The following TRERF1 variants were observed in gnomAD, a reference collection of about 807,000 sequenced individuals.
TRERF1 encodes the protein transcriptional regulating factor 1, also known as transcriptional-regulating factor 1.
In TRERF1, 27 loss-of-function variants were observed where a neutral mutation model predicts 122.9. That is an observed-to-expected ratio of 0.22 (90% CI 0.16 to 0.30). TRERF1 has a LOEUF of 0.30. TRERF1 is among the 10% of genes least tolerant of loss of function. TRERF1 has a pLI of 1.00. For synonymous variants in TRERF1, 636 were observed against 641.7 expected, an observed-to-expected ratio of 0.99 and a Z score of 0.13; for missense variants, 1,248 against 1,560.3, an observed-to-expected ratio of 0.80 and a Z score of 3.37.
chr6:42,311,296 G>T (rs1371430566), intron 3 of TRERF1, among the ~76,000 whole-genome samples: 1 of 152,184 alleles, frequency 6.6e-6, no homozygotes, highest in Non-Finnish European at 1.5e-5. Flanking sequence ...CACCTGAAAA[G>T]GTGACATCTG....
At chr6:42,277,520 A>G (rs769180005) in intron 4 of TRERF1, among the ~76,000 whole-genome samples, 6 of 152,328 alleles carry the variant, frequency 3.9e-5, no homozygotes, top group Non-Finnish European at 7.3e-5. Context: ...GATTAGGAAC[A>G]TGGGCTTTGG....
intron 3 of TRERF1, among the ~76,000 whole-genome samples, chr6:42,319,006 C>T (rs73733146): frequency 0.02 from 3,015 of 152,304 alleles, 118 homozygotes; most frequent in African/African-American, 0.067. Flanking sequence ...ACTTGTATCG[C>T]TTTTGGGCCA....
At chr6:42,272,746 T>C (rs1780451652) in intron 4 of TRERF1, among the ~76,000 whole-genome samples, 1 of 152,194 alleles carries the variant, frequency 6.6e-6, no homozygotes, top group African/African-American at 2.4e-5. Context: ...TGAAATGCTC[T>C]GGCCCACTGG....
At chr6:42,429,268 A>AC (rs961334689) in intron 2 of TRERF1, among the ~76,000 whole-genome samples, 1 of 151,366 alleles carries the variant, frequency 6.6e-6, no homozygotes, top group Non-Finnish European at 1.5e-5. Flanking sequence ...GTCTGGAGAA[A>AC]CCCCCTGCCC....
chr6:42,368,525 C>T (rs938901555), intron 2 of TRERF1, among the ~76,000 whole-genome samples: 5 of 152,188 alleles, frequency 3.3e-5, no homozygotes, highest in South Asian at 2.1e-4. Flanking sequence ...AATTTAGATC[C>T]GATAAAGCTT....
chr6:42,325,959 T>C (rs1764210400), intron 3 of TRERF1, among the ~76,000 whole-genome samples: 1 of 152,174 alleles, frequency 6.6e-6, no homozygotes, highest in East Asian at 1.9e-4. Flanking sequence ...CCACATGTTC[T>C]CACTTATGAG....
chr6:42,414,479 A>G (rs1260625439), intron 2 of TRERF1, among the ~76,000 whole-genome samples: 2 of 152,232 alleles, frequency 1.3e-5, no homozygotes, highest in Non-Finnish European at 2.9e-5. Flanking sequence ...GTCACCCTGT[A>G]CTATTACTCT....
chr6:42,363,744 G>A (rs1033616373), intron 2 of TRERF1, among the ~76,000 whole-genome samples: 2 of 152,182 alleles, frequency 1.3e-5, no homozygotes, highest in Admixed American at 1.3e-4. Context: ...ATAAAAAGGG[G>A]ATATTTGGAA....
exon 7 of TRERF1, chr6:42,264,727 T>G (rs780104314): frequency 2.5e-6 from 4 of 1,614,090 alleles, no homozygotes; most frequent in Non-Finnish European, 3.4e-6. Context: ...GGGGAGGCCC[T>G]CATTCCCCCG....
In TRERF1 at chr6:42,269,009, T is replaced by C; in HGVS notation, c.582A>G (p.Ala194=). The C allele has an allele frequency of 6.2e-7, 1 of 1,613,708 alleles. No individual in the cohort carries two copies. The highest frequency in any genetic ancestry group is 8.5e-7 in the Non-Finnish European group (1 of 1,179,770). Residue 194 remains alanine (A), a synonymous_variant, in exon 5 of 18, where the codon GCA becomes GCG. Transcript: ENST00000372922. The surrounding 1 kb of genome is among the most constrained non-coding windows in gnomAD (Gnocchi z 4.9). ...GCTGGTAGCGGGAAGGGATAGCCGG[T>C]GCTGGGGGCTCCATGGGCTTCTGAG...
chr6:42,248,184 C>A (rs1018337126), intron 13 of TRERF1, among the ~76,000 whole-genome samples: 1 of 152,112 alleles, frequency 6.6e-6, no homozygotes, highest in African/African-American at 2.4e-5. Context: ...GGCTCAGTGA[C>A]ATAAACTCAC....
At chr6:42,428,369 T>C (rs564113154) in intron 2 of TRERF1, among the ~76,000 whole-genome samples, 1 of 152,344 alleles carries the variant, frequency 6.6e-6, no homozygotes, top group African/African-American at 2.4e-5. Context: ...TTGAAGCTCA[T>C]TATGGCCCGA....
At chr6:42,279,384 G>C (rs144859663) in intron 4 of TRERF1, among the ~76,000 whole-genome samples, 1 of 152,282 alleles carries the variant, frequency 6.6e-6, no homozygotes, top group African/African-American at 2.4e-5. Flanking sequence ...GCTGTCCTGG[G>C]CAGGGCAGGG....
intron 2 of TRERF1, among the ~76,000 whole-genome samples, chr6:42,432,961 G>T (rs759086244): frequency 6.6e-6 from 1 of 152,058 alleles, no homozygotes; most frequent in Non-Finnish European, 1.5e-5. Context: ...GTATTATGGG[G>T]CAGTGAATAT....
chr6:42,255,040 G>T, intron 12 of TRERF1, 114 bp from the exon 13 acceptor site: 1 of 990,848 alleles, frequency 1.0e-6, no homozygotes, highest in Non-Finnish European at 1.6e-6. Flanking sequence ...AGGGGCGGGG[G>T]CACTGGAAGG....
chr6:42,333,815 G>A (rs140614955), intron 3 of TRERF1, among the ~76,000 whole-genome samples: 106 of 152,214 alleles, frequency 7.0e-4, no homozygotes, highest in African/African-American at 2.5e-3. Context: ...CTCCACCAAC[G>A]GATACAAAGA....
At chr6:42,272,346 C>T (rs1317159417) in intron 4 of TRERF1, among the ~76,000 whole-genome samples, 4 of 151,948 alleles carry the variant, frequency 2.6e-5, no homozygotes, top group Non-Finnish European at 4.4e-5. Flanking sequence ...TGGAGGAAGG[C>T]GAGCCGTGGG....
Position 42,268,734 on chromosome 6 carries a change from T to G in TRERF1, c.857A>C (p.Gln286Pro), listed in dbSNP as rs1165702846. The change falls in exon 5 of 18, where the codon CAA (glutamine) becomes CCA (proline). Residue 286 changes from glutamine (Q) to proline (P), a missense_variant. By Grantham distance (76) the Gln-to-Pro change is moderately conservative. Around this residue, in one of 5 missense-constraint regions of TRERF1, gnomAD observed 946 missense variants for 1,073.0 expected, o/e 0.88. Coordinates refer to ENST00000372922, the Ensembl canonical transcript of TRERF1. The surrounding 1 kb of genome is among the most constrained non-coding windows in gnomAD (Gnocchi z 4.4). ...TTGTTGCGGCTGCGTCTGTATTTCT[T>G]GCATGGAGATACGCTGTTGCCCGGC... 2 of 1,614,170 alleles carry G rather than the reference T, an allele frequency of 1.2e-6. No individual in the cohort carries two copies. Among genetic ancestry groups the G allele is most frequent in the East Asian group, 2.2e-5 (1 of 44,884 alleles).
chr6:42,269,882 T>A lies in TRERF1; in HGVS notation c.-258-34A>T, dbSNP rs1241480577. 1 of 501,204 alleles carries A rather than the reference T, an allele frequency of 2.0e-6. No homozygotes were observed. Among genetic ancestry groups the A allele is most frequent in the Non-Finnish European group, 3.2e-6 (1 of 316,728 alleles). The allele number at this position is 501,204 out of a possible 1,614,324, so 31.0% of individuals were successfully genotyped here. A position where few individuals can be genotyped will look rare whatever the true frequency, so the allele number is the denominator to read the frequency against. ...CAAGATGCAAAAGACAGGAAAGGAT[T>A]TATTTGGATGTTTTGTGATGAGCAA... On this transcript the variant is annotated intron_variant, in intron 4 of 17. Transcript: ENST00000372922. This position sits in a 1 kb window ranked among gnomAD's most constrained non-coding sequence, Gnocchi z 4.9.
Sources: allele counts gnomAD v4.1 joint callset (sites outside exome capture counted in the v4.1 genomes callset), GRCh38; gene constraint gnomAD v4.1.1; regional missense constraint gnomAD v4.1.1; non-coding constraint Gnocchi (gnomAD v3.1); transcripts MANE v1.5; gene names NCBI Gene and HGNC (gene_info 2026-07-23, HGNC 2026-07-21).